Variants in PPP3CA observed in about 807,000 individuals in gnomAD.
The protein encoded by PPP3CA is protein phosphatase 3 catalytic subunit alpha, also known as CAM-PRP catalytic subunit.
In PPP3CA, 14 loss-of-function variants were observed where a neutral mutation model predicts 66.5. That is an observed-to-expected ratio of 0.21 (90% confidence interval 0.14 to 0.33). The LOEUF is 0.33. PPP3CA is among the 10% of genes least tolerant of loss of function. The probability of loss-of-function intolerance (pLI) is 1.00; values close to 1 mark genes in which losing one functional copy is unlikely to be tolerated. For missense variants in PPP3CA, 317 were observed against 639.5 expected, an observed-to-expected ratio of 0.50 and a Z score of 5.44; for synonymous variants, 232 against 226.2, an observed-to-expected ratio of 1.03 and a Z score of -0.23.
At chr4:101,330,243 T>C in intron 1 of PPP3CA, 1 of 423,942 alleles carries the variant, frequency 2.4e-6, no homozygotes, top group Non-Finnish European at 4.6e-6. Context: ...TCAAGAGAAC[T>C]AGAATTAAAA....
chr4:101,254,343 T>C (rs1726772555), intron 1 of PPP3CA, among the ~76,000 whole-genome samples: 1 of 152,020 alleles, frequency 6.6e-6, no homozygotes, highest in South Asian at 2.1e-4. Flanking sequence ...ATGGAAATAT[T>C]CTGCTAGTTA....
chr4:101,278,012 G>A (rs1727556194), intron 1 of PPP3CA, among the ~76,000 whole-genome samples: 1 of 150,254 alleles, frequency 6.7e-6, no homozygotes, highest in Admixed American at 6.7e-5. Context: ...GTTTTTCCCA[G>A]TTCACAACAT....
intron 1 of PPP3CA, among the ~76,000 whole-genome samples, chr4:101,321,735 C>CGTAG (rs1553941783): frequency 6.6e-6 from 1 of 152,064 alleles, no homozygotes; most frequent in Non-Finnish European, 1.5e-5. Context: ...CTTGGTACTA[C>CGTAG]GGCTGCACAA....
At chr4:101,216,491 C>A (rs939796043) in intron 1 of PPP3CA, among the ~76,000 whole-genome samples, 1 of 152,076 alleles carries the variant, frequency 6.6e-6, no homozygotes, top group Admixed American at 6.6e-5. Flanking sequence ...CTTTGTAGAA[C>A]TGCTCAATTG....
chr4:101,148,683 C>A (rs1418031052), intron 2 of PPP3CA, among the ~76,000 whole-genome samples: 1 of 152,086 alleles, frequency 6.6e-6, no homozygotes, highest in African/African-American at 2.4e-5. Context: ...TTTAAGATCC[C>A]AAGAGACCTG....
chr4:101,224,313 T>C (rs1725715038), intron 1 of PPP3CA, among the ~76,000 whole-genome samples: 1 of 151,776 alleles, frequency 6.6e-6, no homozygotes, highest in African/African-American at 2.4e-5. Flanking sequence ...TTTGGCTTTT[T>C]AGGTCAAAAT....
intron 10 of PPP3CA, among the ~76,000 whole-genome samples, chr4:101,044,788 G>A (rs997872502): frequency 6.6e-6 from 1 of 152,142 alleles, no homozygotes; most frequent in Non-Finnish European, 1.5e-5. Context: ...TTAAAGATTT[G>A]CTTTTAATAC....
intron 5 of PPP3CA, among the ~76,000 whole-genome samples, chr4:101,094,462 T>TA (rs1293350896): frequency 6.6e-6 from 1 of 152,200 alleles, no homozygotes; most frequent in Non-Finnish European, 1.5e-5. Context: ...GCTTTTACTT[T>TA]AAAAGTAGCC....
chr4:101,280,552 G>A (rs1727646222), intron 1 of PPP3CA, among the ~76,000 whole-genome samples: 1 of 152,132 alleles, frequency 6.6e-6, no homozygotes, highest in Admixed American at 6.5e-5. Context: ...AGGTGTGGTG[G>A]CTCATGCCTG....
intron 1 of PPP3CA, among the ~76,000 whole-genome samples, chr4:101,234,563 C>G (rs931509716): frequency 9.9e-5 from 15 of 150,974 alleles, no homozygotes; most frequent in African/African-American, 3.4e-4. Flanking sequence ...ATGTCCTTTC[C>G]CCACTTTTTA....
At chr4:101,182,838 C>T (rs1470999839) in intron 2 of PPP3CA, among the ~76,000 whole-genome samples, 3 of 152,058 alleles carry the variant, frequency 2.0e-5, no homozygotes, top group Admixed American at 1.3e-4. Context: ...TTAAGTCTCA[C>T]GAGATCTGAT....
At chr4:101,299,474 C>G (rs1422807406) in intron 1 of PPP3CA, among the ~76,000 whole-genome samples, 1 of 151,788 alleles carries the variant, frequency 6.6e-6, no homozygotes, top group Non-Finnish European at 1.5e-5. Context: ...TGCCAAGTAA[C>G]TGGGATTATA....
intron 2 of PPP3CA, among the ~76,000 whole-genome samples, chr4:101,141,025 A>T (rs921076839): frequency 6.6e-6 from 1 of 152,170 alleles, no homozygotes; most frequent in Non-Finnish European, 1.5e-5. Flanking sequence ...AACATAATGG[A>T]GACAGAAATA....
intron 1 of PPP3CA, among the ~76,000 whole-genome samples, chr4:101,199,785 T>A (rs1724912931): frequency 1.3e-5 from 2 of 152,206 alleles, no homozygotes; most frequent in South Asian, 4.1e-4. Flanking sequence ...TGTTTCTTTT[T>A]CTATCTGCTG....
intron 2 of PPP3CA, among the ~76,000 whole-genome samples, chr4:101,190,540 A>G (rs752816293): frequency 6.6e-6 from 1 of 152,198 alleles, no homozygotes; most frequent in African/African-American, 2.4e-5. Context: ...ATTCGTACAC[A>G]CAAATACTGA....
intron 1 of PPP3CA, among the ~76,000 whole-genome samples, chr4:101,210,002 G>A (rs1288539729): frequency 1.3e-5 from 2 of 152,182 alleles, no homozygotes; most frequent in African/African-American, 4.8e-5. Context: ...AAAGGGTTTA[G>A]GAGATTGTTG....
At chr4:101,190,515 A>ATT (rs1204621537) in intron 2 of PPP3CA, among the ~76,000 whole-genome samples, 3 of 152,196 alleles carry the variant, frequency 2.0e-5, no homozygotes, top group Non-Finnish European at 4.4e-5. Flanking sequence ...TATTGATGTT[A>ATT]ATAGAGTATT....
intron 6 of PPP3CA, among the ~76,000 whole-genome samples, chr4:101,091,412 GGATT>G (rs1729935031): frequency 1.3e-5 from 2 of 152,012 alleles, no homozygotes; most frequent in East Asian, 3.9e-4. Flanking sequence ...CAGCCAAAAT[GGATT>G]CATTAAACCA....
rs1366197159 is a variant in PPP3CA, at chr4:101,023,718, CTG to C, written c.*2145_*2146del. ...TAACCTTGGGATAGTCTTTGCCAGA[CTG>C]TATCGAGAACATCTTTGTTTGGGTA... On this transcript the variant is annotated 3_prime_UTR_variant, in exon 14 of 14. Coordinates refer to ENST00000394854, the MANE Select transcript of PPP3CA (RefSeq NM_000944.5). 1 of 152,604 alleles carries C rather than the reference CTG, an allele frequency of 6.6e-6. No individual in the cohort carries two copies. Among genetic ancestry groups the C allele is most frequent in the African/African-American group, 2.4e-5 (1 of 41,428 alleles). 9.5% of individuals were successfully genotyped at this position (152,604 alleles called of 1,614,324 possible). A position where few individuals can be genotyped will look rare whatever the true frequency, so the allele number is the denominator to read the frequency against.
Sources: gnomAD v4.1 joint callset for allele counts (sites outside exome capture counted in the v4.1 genomes callset) on GRCh38, gnomAD v4.1.1 for gene constraint, MANE v1.5 for transcripts, NCBI Gene and HGNC (gene_info 2026-07-23, HGNC 2026-07-21) for gene names.